TENT5D: variants seen among roughly 807,000 people sequenced by gnomAD.
The protein encoded by TENT5D is terminal nucleotidyltransferase 5D.
For synonymous variants in TENT5D, 103 were observed against 100.6 expected, an observed-to-expected ratio of 1.02 and a Z score of -0.15; for missense variants, 191 against 287.0, an observed-to-expected ratio of 0.67 and a Z score of 2.42.
intron 2 of TENT5D, among the ~76,000 whole-genome samples, chrX:80,441,493 G>T (rs752361292): frequency 3.9e-4 from 43 of 110,854 alleles, no homozygotes; most frequent in Non-Finnish European, 5.7e-4. Context: ...CAAATCTTAG[G>T]CTTCATATTG....
intron 3 of TENT5D, among the ~76,000 whole-genome samples, chrX:80,412,741 T>C (rs1377047293): frequency 8.9e-6 from 1 of 111,739 alleles, no homozygotes; most frequent in Non-Finnish European, 1.9e-5. Context: ...CTGGACCTTA[T>C]TGTTCATATC....
chrX:80,400,508 A>G (rs1931372087), intron 3 of TENT5D, among the ~76,000 whole-genome samples: 3 of 111,895 alleles, frequency 2.7e-5, no homozygotes, highest in African/African-American at 9.7e-5. Flanking sequence ...CTTAAATAAT[A>G]CTTAATTTCC....
chrX:80,379,936 G>A (rs1930821949), intron 3 of TENT5D, among the ~76,000 whole-genome samples: 1 of 106,947 alleles, frequency 9.4e-6, no homozygotes, highest in African/African-American at 3.4e-5. Context: ...TTTTTTGAAG[G>A]GTTTTTTGTA....
At chrX:80,364,419 C>G (rs1294908772) in intron 3 of TENT5D, among the ~76,000 whole-genome samples, 1 of 111,254 alleles carries the variant, frequency 9.0e-6, no homozygotes. Flanking sequence ...TTATTAGTTC[C>G]TATGGACTCT....
intron 2 of TENT5D, among the ~76,000 whole-genome samples, chrX:80,336,987 C>T (rs1229678798): frequency 1.8e-5 from 2 of 111,656 alleles, no homozygotes; most frequent in African/African-American, 6.5e-5. Flanking sequence ...AAATTTGACT[C>T]CAAAAATTTC....
At chrX:80,342,467 A>C (rs1023452081) in intron 2 of TENT5D, 2 of 112,428 alleles carry the variant, frequency 1.8e-5, no homozygotes, top group African/African-American at 6.5e-5. Context: ...GACTATATAG[A>C]AATTAATAAC....
intron 3 of TENT5D, among the ~76,000 whole-genome samples, chrX:80,400,015 G>A (rs1931362652): frequency 9.0e-6 from 1 of 111,335 alleles, no homozygotes; most frequent in Non-Finnish European, 1.9e-5. Flanking sequence ...AGTGGCCAAG[G>A]CATCCCATTA....
chrX:80,379,387 A>T (rs1485088720), intron 3 of TENT5D, among the ~76,000 whole-genome samples: 1 of 110,599 alleles, frequency 9.0e-6, no homozygotes, highest in African/African-American at 3.3e-5. Context: ...GCTATTCATC[A>T]GGGATATTGG....
intron 3 of TENT5D, among the ~76,000 whole-genome samples, chrX:80,377,589 T>C (rs1930759459): frequency 8.9e-6 from 1 of 112,069 alleles, no homozygotes; most frequent in Non-Finnish European, 1.9e-5. Context: ...GGCTGCATAG[T>C]GTTCCATGGT....
At chrX:80,432,723 A>G (rs1569374555) in intron 1 of TENT5D, among the ~76,000 whole-genome samples, 1 of 111,063 alleles carries the variant, frequency 9.0e-6, no homozygotes. Context: ...GTCCAGGAGA[A>G]TTAAGGAGCG....
At chrX:80,354,824 C>T (rs1269016934) in intron 3 of TENT5D, among the ~76,000 whole-genome samples, 2 of 112,014 alleles carry the variant, frequency 1.8e-5, no homozygotes, top group African/African-American at 6.5e-5. Context: ...TTTTAATCAT[C>T]TGTGTGGGCG....
At chrX:80,405,342 C>A (rs1248280137) in intron 3 of TENT5D, among the ~76,000 whole-genome samples, 2 of 110,394 alleles carry the variant, frequency 1.8e-5, no homozygotes, top group Admixed American at 9.6e-5. Flanking sequence ...ATCTGAGGTA[C>A]CGGGTTCATC....
At chrX:80,420,199 G>A (rs1490414982), upstream of TENT5D, among the ~76,000 whole-genome samples, 3 of 110,794 alleles carry the variant, frequency 2.7e-5, no homozygotes, top group Non-Finnish European at 5.7e-5. Flanking sequence ...AATCTGCATG[G>A]TTTAACTGGT....
At chrX:80,378,088 A>G (rs1055884601) in intron 3 of TENT5D, among the ~76,000 whole-genome samples, 1 of 110,931 alleles carries the variant, frequency 9.0e-6, no homozygotes, top group Non-Finnish European at 1.9e-5. Context: ...GGGTTGTTTG[A>G]TTTTGTCTTG....
At chrX:80,364,026 G>A (rs982138215) in intron 3 of TENT5D, among the ~76,000 whole-genome samples, 1 of 112,183 alleles carries the variant, frequency 8.9e-6, no homozygotes, top group Non-Finnish European at 1.9e-5. Context: ...TCACCATCCT[G>A]TACATTATTA....
chrX:80,382,805 A>G (rs12013828), intron 3 of TENT5D, among the ~76,000 whole-genome samples: 13,088 of 111,083 alleles, frequency 0.12, 868 homozygotes, highest in African/African-American at 0.25. Flanking sequence ...TGAGCCATGC[A>G]CAGGATATAA....
intron 3 of TENT5D, among the ~76,000 whole-genome samples, chrX:80,361,766 A>C (rs918391476): frequency 3.6e-5 from 4 of 112,024 alleles, no homozygotes; most frequent in Non-Finnish European, 7.5e-5. Context: ...CAGTTCTTGG[A>C]CATGTGTCTA....
chrX:80,441,989 T>C (rs964303197), intron 2 of TENT5D, among the ~76,000 whole-genome samples: 1 of 111,137 alleles, frequency 9.0e-6, no homozygotes, highest in Non-Finnish European at 1.9e-5. Flanking sequence ...AATATTCTTT[T>C]AAGTAAGAGC....
chrX:80,430,931 A>T (rs1048582430), intron 1 of TENT5D, among the ~76,000 whole-genome samples: 10 of 111,038 alleles, frequency 9.0e-5, no homozygotes, highest in Non-Finnish European at 5.7e-5. Context: ...GGCTCCCAAG[A>T]TACCCTAGGG....
Sources: gnomAD v4.1 joint callset for allele counts (sites outside exome capture counted in the v4.1 genomes callset) on GRCh38, gnomAD v4.1.1 for gene constraint, MANE v1.5 for transcripts, NCBI Gene and HGNC (gene_info 2026-07-23, HGNC 2026-07-21) for gene names.